ABHD12: variants seen among roughly 807,000 people sequenced by gnomAD.
ABHD12 encodes the protein lysophosphatidylserine lipase ABHD12.
ABHD12 carries 43 observed loss-of-function variants against 58.3 expected under a neutral mutation model. That is an observed-to-expected ratio of 0.74 (90% CI 0.58 to 0.95). The LOEUF is 0.95. Ranked by LOEUF, ABHD12 falls within the 40% of genes least tolerant of loss-of-function variation. The pLI, the probability that ABHD12 is intolerant of heterozygous loss-of-function variation, is 0.00. For synonymous variants in ABHD12, 219 were observed against 211.2 expected (o/e 1.04, Z -0.32); for missense variants, 539 against 537.2 (o/e 1.00, Z -0.03).
chr20:25,368,271 C>CTAAT, intron 1 of ABHD12: 5 of 1,528,972 alleles, frequency 3.3e-6, no homozygotes, highest in Middle Eastern at 2.0e-4. Context: ...ACAAGTCAAA[C>CTAAT]TTATTAGAGT....
At chr20:25,341,869 A>G (rs1159726083) in intron 1 of ABHD12, among the ~76,000 whole-genome samples, 2 of 152,120 alleles carry the variant, frequency 1.3e-5, no homozygotes, top group African/African-American at 4.8e-5. Flanking sequence ...CCACCACTTC[A>G]ATGCCTGGCG....
chr20:25,302,132 C>T lies in ABHD12; in HGVS notation c.1157+87G>A, dbSNP rs529522527. 2.1e-4 allele frequency: 330 copies of T among 1,594,210 alleles called. 1 individual carries two copies. The highest frequency in any genetic ancestry group is 1.9e-4 in the Non-Finnish European group (225 of 1,166,960). The stretch of plus-strand genomic sequence containing the variant: ...CTTGGCCCCACTGAGGCCCCCTGAG[C>T]AGCTTCAGCAGCTGCCACCTGCTGC... On this transcript the variant is annotated intron_variant, in intron 12 of 12. Transcript: ENST00000339157.
intron 2 of ABHD12, among the ~76,000 whole-genome samples, chr20:25,338,297 C>A (rs941661434): frequency 1.3e-5 from 2 of 152,162 alleles, no homozygotes; most frequent in Admixed American, 1.3e-4. Context: ...AACTCCCAAA[C>A]GCATAAGGCC....
intron 8 of ABHD12, 124 bp from the exon 9 acceptor site, chr20:25,308,169 C>T (rs970073117): frequency 2.5e-6 from 2 of 792,448 alleles, no homozygotes; most frequent in Admixed American, 1.9e-5. Flanking sequence ...CAGGCAACCA[C>T]CTCGGCAGGC....
chr20:25,390,750 C>T lies in ABHD12; in HGVS notation c.-47G>A. 2.5e-6 allele frequency: 3 copies of T among 1,218,754 alleles called. No homozygotes were observed. The highest frequency in any genetic ancestry group is 6.5e-4 in the Middle Eastern group (2 of 3,076). 75.5% of individuals were successfully genotyped at this position (1,218,754 alleles called of 1,614,324 possible). A position where few individuals can be genotyped will look rare whatever the true frequency, so the allele number is the denominator to read the frequency against. Reference sequence around the variant, plus strand: ...CGCCGACGGCGCCCGCTGGCCTGCGCCGCAGTGCCGCCGCTCACAGCCGCC... The same window carrying T: ...CGCCGACGGCGCCCGCTGGCCTGCGTCGCAGTGCCGCCGCTCACAGCCGCC... On this transcript the variant is annotated 5_prime_UTR_variant, in exon 1 of 13. Transcript: ENST00000339157.
chr20:25,362,009 T>C (rs182886934), intron 1 of ABHD12, among the ~76,000 whole-genome samples: 9 of 151,956 alleles, frequency 5.9e-5, no homozygotes, highest in Non-Finnish European at 1.0e-4. Context: ...GCACGGTGGC[T>C]CATGCCTGTA....
chr20:25,335,113 AAAAC>A (rs1436880388), intron 2 of ABHD12, among the ~76,000 whole-genome samples: 2 of 151,844 alleles, frequency 1.3e-5, no homozygotes, highest in African/African-American at 4.8e-5. Flanking sequence ...TTACAAGAAA[AAAAC>A]AAACAACCCC....
intron 2 of ABHD12, 134 bp from the exon 3 acceptor site, chr20:25,323,564 C>A: frequency 1.4e-6 from 1 of 705,710 alleles, no homozygotes; most frequent in Non-Finnish European, 2.6e-6. Context: ...CACCCACATG[C>A]ACACACTGCA....
chr20:25,321,565 C>A (rs2089067076), intron 3 of ABHD12, among the ~76,000 whole-genome samples: 1 of 152,268 alleles, frequency 6.6e-6, no homozygotes, highest in African/African-American at 2.4e-5. Flanking sequence ...CACAGCAACA[C>A]ACAGCGTGGC....
At position 25,336,750 on chromosome 20, in the gene ABHD12, C is replaced by A. The variant is rs1280839348; in HGVS notation, c.316+2477G>T. Among the ~76,000 whole-genome samples the A allele has an allele frequency of 2.0e-5, 3 of 152,224 alleles. No homozygotes were observed. In the East Asian group the frequency reaches 5.8e-4, roughly 29 times the overall value. ...TCCCAAAGGGGGAGACAGAGAACCACACTTGGAAGGGCCTCATGTGCTGAT... is the reference window on the plus strand; with the variant it reads ...TCCCAAAGGGGGAGACAGAGAACCAAACTTGGAAGGGCCTCATGTGCTGAT... On this transcript the variant is annotated intron_variant, in intron 2 of 12. Coordinates refer to ENST00000339157, the MANE Select transcript of ABHD12 (RefSeq NM_001042472.3).
At chr20:25,373,448 G>A (rs1033757245) in intron 1 of ABHD12, among the ~76,000 whole-genome samples, 3 of 152,036 alleles carry the variant, frequency 2.0e-5, no homozygotes, top group African/African-American at 7.2e-5. Flanking sequence ...TTGGGGGGCT[G>A]AGGCAGGAGA....
intron 1 of ABHD12, among the ~76,000 whole-genome samples, chr20:25,369,927 TA>T (rs3032443): frequency 0.33 from 29,846 of 90,520 alleles, 4,260 homozygotes; most frequent in East Asian, 0.73. Context: ...GTCTCTGTTA[TA>T]AAAAAAAAAA....
At chr20:25,308,363 G>T in intron 8 of ABHD12, 94 bp downstream of exon 8, 1 of 1,486,172 alleles carries the variant, frequency 6.7e-7, no homozygotes, top group African/African-American at 1.4e-5. Context: ...AGCTCATGCT[G>T]CTCCATGAGG....
At chr20:25,348,207 C>G (rs564396044) in intron 1 of ABHD12, among the ~76,000 whole-genome samples, 19 of 148,680 alleles carry the variant, frequency 1.3e-4, no homozygotes, top group African/African-American at 4.5e-4. Flanking sequence ...AAGACTCTGT[C>G]TCAAAAAAAA....
exon 13 of ABHD12, chr20:25,294,770 T>C: frequency 7.5e-6 from 5 of 671,038 alleles, no homozygotes; most frequent in Non-Finnish European, 1.1e-5. Flanking sequence ...TAGTGTTTTA[T>C]TTCAGTGCAG....
intron 2 of ABHD12, among the ~76,000 whole-genome samples, chr20:25,330,031 C>T (rs2089242886): frequency 6.6e-6 from 1 of 152,222 alleles, no homozygotes; most frequent in African/African-American, 2.4e-5. Flanking sequence ...CGGGTGATTT[C>T]TGCATTTCCA....
intron 1 of ABHD12, chr20:25,339,649 C>T (rs780740543): frequency 1.4e-6 from 2 of 1,402,826 alleles, no homozygotes; most frequent in Admixed American, 1.9e-5. Flanking sequence ...GCAGAGAAAG[C>T]AGACCCCACC....
intron 2 of ABHD12, among the ~76,000 whole-genome samples, chr20:25,331,161 A>C (rs933939676): frequency 1.3e-5 from 2 of 152,246 alleles, no homozygotes; most frequent in African/African-American, 4.8e-5. Flanking sequence ...GAACTACGTG[A>C]AGAATGCAGA....
intron 3 of ABHD12, among the ~76,000 whole-genome samples, chr20:25,322,382 T>TA (rs1491359839): frequency 0.012 from 464 of 37,974 alleles, 17 homozygotes; most frequent in South Asian, 0.046. Context: ...TATATATATA[T>TA]TTTTTTTTTT....
Sources: gnomAD v4.1 joint callset for allele counts (sites outside exome capture counted in the v4.1 genomes callset) on GRCh38, gnomAD v4.1.1 for gene constraint, MANE v1.5 for transcripts, NCBI Gene and HGNC (gene_info 2026-07-23, HGNC 2026-07-21) for gene names.